Variants in TRIQK observed in about 807,000 individuals in gnomAD.
TRIQK encodes the protein triple QxxK/R motif containing, also known as triple QxxK/R motif-containing protein.
In TRIQK, 10 loss-of-function variants were observed where a neutral mutation model predicts 10.8. The ratio of observed to expected loss-of-function variants is 0.92; its 90% CI spans 0.57 to 1.57. The LOEUF (loss-of-function observed/expected upper bound fraction) is 1.57. Among genes scored for constraint, TRIQK ranks in the 40% most tolerant of loss-of-function variants. The pLI, the probability that TRIQK is intolerant of heterozygous loss-of-function variation, is 0.00. For missense variants in TRIQK, 107 were observed against 97.7 expected, an observed-to-expected ratio of 1.09 and a Z score of -0.40; for synonymous variants, 33 against 33.7, an observed-to-expected ratio of 0.98 and a Z score of 0.07.
intron 3 of TRIQK, among the ~76,000 whole-genome samples, chr8:92,903,833 C>G (rs1444277554): frequency 6.6e-6 from 1 of 151,982 alleles, no homozygotes; most frequent in African/African-American, 2.4e-5. Context: ...TGCCTGTTAT[C>G]CCAAACCTTG....
intron 1 of TRIQK, among the ~76,000 whole-genome samples, chr8:92,999,163 T>C (rs1813183192): frequency 6.6e-6 from 1 of 152,306 alleles, no homozygotes; most frequent in Non-Finnish European, 1.5e-5. Flanking sequence ...ACAAAGATTT[T>C]GGTAACATTT....
At chr8:93,007,519 C>A (rs1177581184) in intron 1 of TRIQK, among the ~76,000 whole-genome samples, 1 of 152,058 alleles carries the variant, frequency 6.6e-6, no homozygotes, top group Admixed American at 6.5e-5. Flanking sequence ...AGAACTGGGC[C>A]GAGGCTGAGA....
intron 3 of TRIQK, among the ~76,000 whole-genome samples, chr8:92,914,606 G>T (rs1809733845): frequency 6.6e-6 from 1 of 152,044 alleles, no homozygotes; most frequent in African/African-American, 2.4e-5. Context: ...TTTCTCCAAA[G>T]AAAATGGAGA....
At chr8:93,014,698 TA>T (rs1813367430) in intron 1 of TRIQK, among the ~76,000 whole-genome samples, 1 of 152,068 alleles carries the variant, frequency 6.6e-6, no homozygotes, top group Non-Finnish European at 1.5e-5. Context: ...CCCATTATAA[TA>T]CAGAGTAGTG....
At chr8:92,942,333 CA>C (rs1402220066) in intron 2 of TRIQK, among the ~76,000 whole-genome samples, 1 of 152,060 alleles carries the variant, frequency 6.6e-6, no homozygotes, top group Non-Finnish European at 1.5e-5. Context: ...AAACATTTGA[CA>C]AAATTCAACA....
At chr8:92,891,889 T>C in intron 4 of TRIQK, 100 bp downstream of exon 4, 3 of 827,200 alleles carry the variant, frequency 3.6e-6, no homozygotes, top group Admixed American at 3.3e-5. Context: ...GATTGTGAAA[T>C]GTCATAAAAC....
intron 2 of TRIQK, among the ~76,000 whole-genome samples, chr8:92,926,681 A>T (rs1446183063): frequency 6.6e-6 from 1 of 152,222 alleles, no homozygotes; most frequent in African/African-American, 2.4e-5. Context: ...CACTTTAACA[A>T]GAAAAAGAGA....
At chr8:92,911,352 G>A (rs552600957) in intron 3 of TRIQK, among the ~76,000 whole-genome samples, 12 of 151,370 alleles carry the variant, frequency 7.9e-5, no homozygotes, top group Middle Eastern at 3.4e-3. Flanking sequence ...GATACCAAGC[G>A]AGGAAGAGAG....
At chr8:92,946,442 G>A (rs1178625412) in intron 2 of TRIQK, among the ~76,000 whole-genome samples, 1 of 151,986 alleles carries the variant, frequency 6.6e-6, no homozygotes. Context: ...TTCTTAAAGG[G>A]AAAAAGTATG....
chr8:92,893,685 G>A (rs1289696831), intron 3 of TRIQK, among the ~76,000 whole-genome samples: 1 of 151,930 alleles, frequency 6.6e-6, no homozygotes, highest in Non-Finnish European at 1.5e-5. Flanking sequence ...GCTATAAACA[G>A]TTCAGAACAA....
intron 1 of TRIQK, among the ~76,000 whole-genome samples, chr8:92,961,043 G>A (rs538832652): frequency 3.9e-5 from 6 of 152,024 alleles, no homozygotes; most frequent in Non-Finnish European, 7.4e-5. Flanking sequence ...GAATGTGTTG[G>A]ACGGCAAATA....
intron 1 of TRIQK, among the ~76,000 whole-genome samples, chr8:92,992,456 C>A (rs942038873): frequency 2.6e-5 from 4 of 152,154 alleles, no homozygotes; most frequent in Non-Finnish European, 5.9e-5. Context: ...GGGTGAGAGA[C>A]AAAGGTCATC....
At chr8:92,960,840 C>T (rs1812425873) in intron 1 of TRIQK, 1 of 152,154 alleles carries the variant, frequency 6.6e-6, no homozygotes, top group African/African-American at 2.4e-5. Context: ...ACAGAACTGT[C>T]AGATACTAAA....
intron 1 of TRIQK, among the ~76,000 whole-genome samples, chr8:93,001,038 T>C (rs562095589): frequency 6.6e-6 from 1 of 152,252 alleles, no homozygotes; most frequent in South Asian, 2.1e-4. Context: ...CTGGGTGCAG[T>C]GGCTCATGCC....
At chr8:92,912,833 G>A (rs182171859) in intron 3 of TRIQK, among the ~76,000 whole-genome samples, 1 of 151,822 alleles carries the variant, frequency 6.6e-6, no homozygotes, top group East Asian at 1.9e-4. Flanking sequence ...TCAATAGTCA[G>A]AAACTTCCCA....
Position 92,944,304 on chromosome 8 carries a change from CA to C in TRIQK, c.-22+10101del, listed in dbSNP as rs56002665. On this transcript the variant is annotated intron_variant, in intron 2 of 4. Coordinates refer to ENST00000521988, the MANE Select transcript of TRIQK (RefSeq NM_001171797.2). ...TATGGAAGAGAGTATGAAGGTTACT[CA>C]AAAAAAAAAAAAAAATAGAACTACT... 3.6e-3 allele frequency among the ~76,000 whole-genome samples: 491 copies of C among 134,802 alleles called. 2 individuals are homozygous for C. Among genetic ancestry groups the C allele is most frequent in the African/African-American group, 0.011 (385 of 36,344 alleles). The allele number at this position is 134,802 out of a possible 152,430, so 88.4% of individuals were successfully genotyped here.
chr8:93,013,996 C>G (rs1813360188), intron 1 of TRIQK, among the ~76,000 whole-genome samples: 1 of 152,086 alleles, frequency 6.6e-6, no homozygotes, highest in Admixed American at 6.6e-5. Context: ...CAAATGTATG[C>G]TAACAGCCAA....
At chr8:92,983,667 T>C (rs1813006551) in intron 1 of TRIQK, among the ~76,000 whole-genome samples, 1 of 152,042 alleles carries the variant, frequency 6.6e-6, no homozygotes, top group South Asian at 2.1e-4. Context: ...TCTCACTTAC[T>C]GGGAGAGGGG....
intron 2 of TRIQK, 25 bp from the exon 3 acceptor site, chr8:92,917,035 A>C (rs2130459393): frequency 1.4e-6 from 2 of 1,424,424 alleles, no homozygotes; most frequent in Middle Eastern, 1.8e-4. Flanking sequence ...ATTATAATGA[A>C]AATTTTTTTA....
Sources: gnomAD v4.1 joint callset for allele counts (sites outside exome capture counted in the v4.1 genomes callset) on GRCh38, gnomAD v4.1.1 for gene constraint, MANE v1.5 for transcripts, NCBI Gene and HGNC (gene_info 2026-07-23, HGNC 2026-07-21) for gene names.